The following MED14 variants were observed in gnomAD, a reference collection of about 807,000 sequenced individuals.
The protein encoded by MED14 is mediator complex subunit 14, also known as mediator of RNA polymerase II transcription subunit 14.
MED14 carries 8 observed loss-of-function variants against 109.0 expected under a neutral mutation model. That is an observed-to-expected ratio of 0.07 (90% CI 0.04 to 0.13). The LOEUF (loss-of-function observed/expected upper bound fraction) is 0.13. Ranked by LOEUF, MED14 falls within the 10% of genes least tolerant of loss-of-function variation. MED14 has a pLI of 1.00. For missense variants in MED14, 711 were observed against 1,142.4 expected (o/e 0.62, Z 5.44); for synonymous variants, 399 against 408.7 (o/e 0.98, Z 0.29).
chrX:40,725,129 G>A (rs1001540243), intron 3 of MED14, among the ~76,000 whole-genome samples: 2 of 111,423 alleles, frequency 1.8e-5, no homozygotes, highest in African/African-American at 3.3e-5. Context: ...TTCAAAACCC[G>A]AATAGACTAA....
chrX:40,681,333 A>G (rs1930105339), intron 19 of MED14, among the ~76,000 whole-genome samples: 1 of 111,566 alleles, frequency 9.0e-6, no homozygotes, highest in Non-Finnish European at 1.9e-5. Flanking sequence ...ACCTGACATT[A>G]CTTGACGTAG....
At chrX:40,676,258 T>C (rs891661163) in intron 21 of MED14, among the ~76,000 whole-genome samples, 1 of 112,060 alleles carries the variant, frequency 8.9e-6, no homozygotes, top group Non-Finnish European at 1.9e-5. Context: ...CGCTCCAGCC[T>C]GGGCGACAGA....
chrX:40,705,184 T>A (rs1406923570), intron 10 of MED14, among the ~76,000 whole-genome samples: 1 of 112,578 alleles, frequency 8.9e-6, no homozygotes. Context: ...CTGAACTTAC[T>A]ATGTTAATAA....
intron 11 of MED14, among the ~76,000 whole-genome samples, chrX:40,702,346 G>GTTTTTTTTT (rs35345632): frequency 3.6e-5 from 3 of 82,203 alleles, no homozygotes; most frequent in African/African-American, 1.5e-4. Context: ...TATAAGTTTT[G>GTTTTTTTTT]TTTTTTTTTT....
At chrX:40,695,404 A>G (rs1388841797) in intron 13 of MED14, among the ~76,000 whole-genome samples, 1 of 112,515 alleles carries the variant, frequency 8.9e-6, no homozygotes, top group Non-Finnish European at 1.9e-5. Flanking sequence ...TGTCCATGTT[A>G]GTAGTTCTTT....
intron 2 of MED14, among the ~76,000 whole-genome samples, chrX:40,728,582 G>T (rs1337273174): frequency 1.8e-5 from 2 of 110,451 alleles, no homozygotes; most frequent in Non-Finnish European, 3.8e-5. Context: ...CAAAGATACG[G>T]TCAAGTACCA....
intron 22 of MED14, 70 bp downstream of exon 22, chrX:40,675,151 G>C (rs1929869377): frequency 1.1e-5 from 11 of 991,390 alleles, no homozygotes; most frequent in Middle Eastern, 5.5e-4. Flanking sequence ...TTTCAATGAA[G>C]TCTTGACACC....
intron 12 of MED14, among the ~76,000 whole-genome samples, chrX:40,700,007 G>A (rs1417966667): frequency 2.7e-5 from 3 of 109,511 alleles, no homozygotes; most frequent in Non-Finnish European, 5.7e-5. Context: ...AAATTAGTTT[G>A]GCATGGTGGC....
rs188972570 is a variant in MED14 at position 40,682,567 on chromosome X, T to A, written c.2365+36A>T. 4.1e-3 allele frequency: 4,408 copies of A among 1,067,742 alleles called. 40 individuals are homozygous for A. Among genetic ancestry groups the A allele is most frequent in the African/African-American group, 0.041 (2,127 of 51,670 alleles). The allele number at this position is 1,067,742 out of a possible 1,213,427, so 88.0% of individuals were successfully genotyped here. ...AAAAAGGGTGAGGGCTTTTTTTTTT[T>A]AATTTATTTAAAAAGGAGATTATCT... On this transcript the variant is annotated intron_variant, in intron 18 of 30. Transcript: ENST00000324817.
In MED14 at chrX:40,735,214, T is replaced by G; in HGVS notation, c.199A>C (p.Met67Leu). The stretch of plus-strand genomic sequence containing the variant: ...GGCACTTACAGGTCCGTCAACACCA[T>G]AAGCTCCGAGTAGGCCCGGTGCAGC... ...FLLHRAYSEL[M>L]VLTDLLPRKS... The change falls in exon 1 of 31, where the codon ATG becomes CTG. Residue 67 changes from methionine (M) to leucine (L), a missense_variant. By Grantham distance (15) the Met-to-Leu change is conservative. Transcript: ENST00000324817. 1 of 1,135,265 alleles carries G rather than the reference T, an allele frequency of 8.8e-7. No homozygotes were observed. The highest frequency in any genetic ancestry group is 1.2e-6 in the Non-Finnish European group (1 of 855,329). 93.6% of individuals were successfully genotyped at this position (1,135,265 alleles called of 1,213,427 possible). A position where few individuals can be genotyped will look rare whatever the true frequency, so the allele number is the denominator to read the frequency against.
intron 28 of MED14, 126 bp from the exon 29 acceptor site, chrX:40,655,186 A>G: frequency 1.5e-6 from 1 of 668,119 alleles, no homozygotes; most frequent in Admixed American, 3.6e-5. Context: ...AAAGTTAATA[A>G]CTGCACTTTT....
chrX:40,668,211 C>T (rs1319746753), intron 23 of MED14, among the ~76,000 whole-genome samples: 3 of 109,855 alleles, frequency 2.7e-5, no homozygotes, highest in Non-Finnish European at 3.8e-5. Flanking sequence ...GGCAAAACCC[C>T]GTCTCTACTA....
chrX:40,691,111 ACTC>A (rs1930484604), intron 15 of MED14, among the ~76,000 whole-genome samples: 1 of 111,761 alleles, frequency 8.9e-6, no homozygotes, highest in Non-Finnish European at 1.9e-5. Context: ...CCTTGGCCAA[ACTC>A]CTTTTTGGAA....
chrX:40,709,866 TA>T, intron 9 of MED14, 112 bp downstream of exon 9: 1 of 452,963 alleles, frequency 2.2e-6, no homozygotes, highest in Non-Finnish European at 3.6e-6. Flanking sequence ...ATAAGTTTCA[TA>T]AAAGGTTTTA....
At position 40,648,450 on chromosome X, in the gene MED14, T is replaced by G. The variant is rs1313016394; in HGVS notation, c.*3356A>C. ...AAAAATGTCCAGTGTTTAGGAGCACTAGCTCAGACTCAAACTGCCCCTTCT... is the reference window on the plus strand; with the variant it reads ...AAAAATGTCCAGTGTTTAGGAGCACGAGCTCAGACTCAAACTGCCCCTTCT... On this transcript the variant is annotated 3_prime_UTR_variant, in exon 31 of 31. Coordinates refer to ENST00000324817, the MANE Select transcript of MED14 (RefSeq NM_004229.4). 2 of 112,098 alleles carry G rather than the reference T, an allele frequency of 1.8e-5. No individual in the cohort carries two copies. Among genetic ancestry groups the G allele is most frequent in the African/African-American group, 6.5e-5 (2 of 30,839 alleles). The allele number at this position is 112,098 out of a possible 1,213,427, so 9.2% of individuals were successfully genotyped here. A position where few individuals can be genotyped will look rare whatever the true frequency, so the allele number is the denominator to read the frequency against.
intron 1 of MED14, among the ~76,000 whole-genome samples, chrX:40,731,170 G>A (rs1442349655): frequency 9.2e-6 from 1 of 108,642 alleles, no homozygotes; most frequent in African/African-American, 3.4e-5. Flanking sequence ...TAGAACCTAG[G>A]TCTCTAAAAA....
intron 1 of MED14, among the ~76,000 whole-genome samples, chrX:40,730,850 CG>C (rs748846182): frequency 1.2e-5 from 1 of 80,646 alleles, no homozygotes; most frequent in Non-Finnish European, 2.3e-5. Flanking sequence ...AAAAAGGGGG[CG>C]GGGGGGTCAG....
At chrX:40,664,601 G>T in intron 24 of MED14, 112 bp from the exon 25 acceptor site, 1 of 460,707 alleles carries the variant, frequency 2.2e-6, no homozygotes, top group Non-Finnish European at 3.3e-6. Flanking sequence ...CTTCCAATAA[G>T]ATGTTTCACT....
intron 2 of MED14, among the ~76,000 whole-genome samples, chrX:40,728,979 G>A (rs921613128): frequency 9.9e-5 from 11 of 111,393 alleles, no homozygotes; most frequent in Middle Eastern, 4.6e-3. Context: ...CACTATGCCC[G>A]TGGCAGTCAA....
Sources: allele counts gnomAD v4.1 joint callset (sites outside exome capture counted in the v4.1 genomes callset), GRCh38; gene constraint gnomAD v4.1.1; transcripts MANE v1.5; gene names NCBI Gene and HGNC (gene_info 2026-07-23, HGNC 2026-07-21).